Variants in WNK2 observed in about 807,000 individuals in gnomAD.
The protein encoded by WNK2 is serine/threonine-protein kinase WNK2.
In WNK2, 67 loss-of-function variants were observed where a neutral mutation model predicts 192.1. The observed-to-expected ratio is 0.35, with a 90% confidence interval of 0.29 to 0.43. The LOEUF (loss-of-function observed/expected upper bound fraction) is 0.43, where lower values mean the gene tolerates loss of function less well. Ranked by LOEUF, WNK2 falls within the 20% of genes least tolerant of loss-of-function variation. The pLI, the probability that WNK2 is intolerant of heterozygous loss-of-function variation, is 1.00. For missense variants in WNK2, 2,698 were observed against 3,089.7 expected (o/e 0.87, Z 3.01); for synonymous variants, 1,439 against 1,393.9 (o/e 1.03, Z -0.72).
At chr9:93,306,969 G>A (rs1049827665) in intron 27 of WNK2, 148 bp downstream of exon 27, 24 of 947,714 alleles carry the variant, frequency 2.5e-5, no homozygotes, top group Non-Finnish European at 3.7e-5. Flanking sequence ...GCCGGGCACT[G>A]CTTCGCTTCT....
intron 2 of WNK2, among the ~76,000 whole-genome samples, chr9:93,220,479 T>C (rs1057483242): frequency 6.6e-6 from 1 of 152,084 alleles, no homozygotes; most frequent in African/African-American, 2.4e-5. Flanking sequence ...TTTCCTGTTT[T>C]GTGAAGGGGG....
chr9:93,207,773 C>G (rs1462267764), intron 2 of WNK2, among the ~76,000 whole-genome samples: 1 of 152,268 alleles, frequency 6.6e-6, no homozygotes, highest in South Asian at 2.1e-4. Context: ...CACCCACGCC[C>G]TCTCCAGGCG....
At chr9:93,202,325 CGTGTGTGTGTGT>C (rs761769543) in intron 2 of WNK2, among the ~76,000 whole-genome samples, 15 of 130,650 alleles carry the variant, frequency 1.1e-4, no homozygotes, top group South Asian at 2.6e-4. Flanking sequence ...TCCGTGTGCA[CGTGTGTGTGTGT>C]GTGTGTGTGT....
chr9:93,302,423 G>A (rs1006629508), intron 26 of WNK2, among the ~76,000 whole-genome samples: 1 of 152,148 alleles, frequency 6.6e-6, no homozygotes, highest in African/African-American at 2.4e-5. Flanking sequence ...TGCGGCTAGT[G>A]GGGGGCAGCC....
In WNK2 at chr9:93,262,722, A is replaced by C; in HGVS notation, c.3410+3A>C. 1 of 1,612,020 alleles carries C rather than the reference A, an allele frequency of 6.2e-7. No homozygotes were observed. The highest frequency in any genetic ancestry group is 8.5e-7 in the Non-Finnish European group (1 of 1,179,850). On this transcript the variant is annotated splice_donor_region_variant and intron_variant, in intron 14 of 29. Transcript: ENST00000427277. The stretch of plus-strand genomic sequence containing the variant: ...GGCCTCCCGCAGAGCTGTGAGAGGT[A>C]GTGTGGCCCAGCCTCGACCTCGCAG...
intron 26 of WNK2, among the ~76,000 whole-genome samples, chr9:93,303,476 C>T (rs537171372): frequency 9.9e-5 from 15 of 152,222 alleles, no homozygotes; most frequent in Admixed American, 6.5e-4. Context: ...TGTCACTGCA[C>T]GATGCCTTCT....
chr9:93,219,915 G>T (rs903725274), intron 2 of WNK2, among the ~76,000 whole-genome samples: 2 of 152,228 alleles, frequency 1.3e-5, no homozygotes, highest in East Asian at 1.9e-4. Context: ...GAGTGCAGGC[G>T]CATCCAGGCC....
intron 2 of WNK2, among the ~76,000 whole-genome samples, chr9:93,194,066 G>T (rs1830807688): frequency 6.6e-6 from 1 of 152,190 alleles, no homozygotes; most frequent in Non-Finnish European, 1.5e-5. Context: ...GCAGATAAAT[G>T]ATTCCAGACG....
chr9:93,256,936 C>T lies in WNK2; in HGVS notation c.2191-12C>T. The T allele has an allele frequency of 6.5e-7, 1 of 1,545,532 alleles. No individual in the cohort carries two copies. Among genetic ancestry groups the T allele is most frequent in the Middle Eastern group, 1.7e-4 (1 of 5,884 alleles). On this transcript the variant is annotated splice_polypyrimidine_tract_variant and intron_variant, in intron 10 of 29. Coordinates refer to ENST00000427277, the MANE Select transcript of WNK2 (RefSeq NM_006648.4). ...TTGGTGGTCTAAGGGGAGCTACCTT[C>T]TCTCCCTCTAGCCTCCTCCGCTGGC... is the stretch of plus-strand genomic sequence containing the variant.
intron 19 of WNK2, among the ~76,000 whole-genome samples, chr9:93,270,529 T>C (rs1430697573): frequency 6.6e-6 from 1 of 152,220 alleles, no homozygotes; most frequent in African/African-American, 2.4e-5. Flanking sequence ...GAATTCAAAG[T>C]GCTACTGAGC....
intron 24 of WNK2, 122 bp downstream of exon 24, chr9:93,298,189 C>T: frequency 9.5e-7 from 1 of 1,049,798 alleles, no homozygotes; most frequent in African/African-American, 1.6e-5. Flanking sequence ...GGGTTATCTC[C>T]TTACTGAATC....
intron 25 of WNK2, 59 bp from the exon 26 acceptor site, chr9:93,299,992 G>C: frequency 6.9e-7 from 1 of 1,449,274 alleles, no homozygotes; most frequent in South Asian, 1.2e-5. Context: ...AGGAGGAATC[G>C]CAGCAACCTG....
chr9:93,254,857 T>TA (rs1332249646), intron 9 of WNK2, among the ~76,000 whole-genome samples: 2 of 152,142 alleles, frequency 1.3e-5, no homozygotes, highest in Non-Finnish European at 2.9e-5. Flanking sequence ...GAGTGGTGGT[T>TA]CTTGGCTTTG....
rs1290978320 is a variant in WNK2, at chr9:93,257,604, T to C, written c.2382+465T>C. On this transcript the variant is annotated intron_variant, in intron 11 of 29. Coordinates refer to ENST00000427277, the MANE Select transcript of WNK2 (RefSeq NM_006648.4). This position sits in a 1 kb window ranked among gnomAD's most constrained non-coding sequence, Gnocchi z 4.7. ...TTTGTTAGTCCAAGGTCGTGGACAGTCCTTGAAGTGGTTGCTGGGTTGGCA... is the reference window on the plus strand; with the variant it reads ...TTTGTTAGTCCAAGGTCGTGGACAGCCCTTGAAGTGGTTGCTGGGTTGGCA... Among the ~76,000 whole-genome samples, 1 of 152,222 alleles carries C rather than the reference T, an allele frequency of 6.6e-6. No homozygotes were observed. Among genetic ancestry groups the C allele is most frequent in the Non-Finnish European group, 1.5e-5 (1 of 68,034 alleles).
intron 2 of WNK2, among the ~76,000 whole-genome samples, chr9:93,211,121 TCCCC>T (rs1266293017): frequency 1.8e-4 from 1 of 5,420 alleles, no homozygotes; most frequent in African/African-American, 5.4e-4. Flanking sequence ...CACTCACTCA[TCCCC>T]TCACTTACTC....
chr9:93,270,979 C>A (rs1471533111), intron 19 of WNK2, among the ~76,000 whole-genome samples: 2 of 152,104 alleles, frequency 1.3e-5, no homozygotes, highest in East Asian at 1.9e-4. Flanking sequence ...TCCTAGGGAA[C>A]CAGGAAGTAT....
chr9:93,272,905 CA>C (rs1846225550), intron 19 of WNK2, among the ~76,000 whole-genome samples: 1 of 151,942 alleles, frequency 6.6e-6, no homozygotes, highest in Non-Finnish European at 1.5e-5. Flanking sequence ...TTTAACACGT[CA>C]ATTAAAAAAT....
chr9:93,289,269 G>T lies in WNK2; in HGVS notation c.4515G>T (p.Gly1505=), dbSNP rs1848944672. ...CTCCCCTGCTTCCTGCCGCAGTGGG[G>T]GCCGTCAGCCTGGCCACCTCCCAGC... The part of the protein sequence containing the change: ...QPAPLLPAAV[G]AVSLATSQLP... Residue 1505 remains glycine, a synonymous_variant, in exon 20 of 30, where the codon GGG becomes GGT. Transcript: ENST00000427277. 1 of 1,600,648 alleles carries T rather than the reference G, an allele frequency of 6.2e-7. No homozygotes were observed. The highest frequency in any genetic ancestry group is 2.3e-5 in the East Asian group (1 of 44,226).
At chr9:93,285,987 T>A (rs1588438471) in intron 19 of WNK2, among the ~76,000 whole-genome samples, 1 of 152,300 alleles carries the variant, frequency 6.6e-6, no homozygotes, top group Non-Finnish European at 1.5e-5. Context: ...CACAGGGAGA[T>A]GATCCTCATA....
Sources: gnomAD v4.1 joint callset for allele counts (sites outside exome capture counted in the v4.1 genomes callset) on GRCh38, gnomAD v4.1.1 for gene constraint, Gnocchi (gnomAD v3.1) non-coding constraint, MANE v1.5 for transcripts, NCBI Gene and HGNC (gene_info 2026-07-23, HGNC 2026-07-21) for gene names.